Variants in PDE7B observed in about 807,000 individuals in gnomAD.
PDE7B encodes 3',5'-cyclic-AMP phosphodiesterase 7B.
In PDE7B, 29 loss-of-function variants were observed where a neutral mutation model predicts 56.2. That is an observed-to-expected ratio of 0.52 (90% confidence interval 0.38 to 0.70). PDE7B has a LOEUF of 0.70. Ranked by LOEUF, PDE7B falls within the 30% of genes least tolerant of loss-of-function variation. The pLI, the probability that PDE7B is intolerant of heterozygous loss-of-function variation, is 0.00. For synonymous variants in PDE7B, 197 were observed against 196.9 expected, an observed-to-expected ratio of 1.00 and a Z score of 0.00; for missense variants, 490 against 565.0, an observed-to-expected ratio of 0.87 and a Z score of 1.35.
At chr6:136,083,067 C>T (rs983390518) in intron 2 of PDE7B, among the ~76,000 whole-genome samples, 1 of 152,140 alleles carries the variant, frequency 6.6e-6, no homozygotes, top group African/African-American at 2.4e-5. Flanking sequence ...ATTTGGAAAT[C>T]CAGGACTGGA....
intron 2 of PDE7B, among the ~76,000 whole-genome samples, chr6:136,049,761 C>T (rs930941383): frequency 2.6e-5 from 4 of 152,140 alleles, no homozygotes; most frequent in Non-Finnish European, 5.9e-5. Flanking sequence ...CTTGGCACAG[C>T]ATTAGGAGTG....
At chr6:136,166,343 A>G (rs1463887968) in intron 8 of PDE7B, 1 of 152,248 alleles carries the variant, frequency 6.6e-6, no homozygotes, top group Non-Finnish European at 1.5e-5. Flanking sequence ...ATTGTCCCAA[A>G]CAGCCTTCCA....
chr6:136,016,781 TTCTAC>T, intron 2 of PDE7B, among the ~76,000 whole-genome samples: 1 of 152,190 alleles, frequency 6.6e-6, no homozygotes, highest in East Asian at 1.9e-4. Context: ...AAAATGGCTG[TTCTAC>T]TCATCTGCAC....
At chr6:135,973,348 T>C (rs1170100591) in intron 2 of PDE7B, among the ~76,000 whole-genome samples, 4 of 152,082 alleles carry the variant, frequency 2.6e-5, no homozygotes, top group South Asian at 2.1e-4. Flanking sequence ...TGTATGCGTC[T>C]ACCATATTTT....
chr6:136,185,738 C>T (rs1779135026), intron 11 of PDE7B, among the ~76,000 whole-genome samples: 1 of 152,076 alleles, frequency 6.6e-6, no homozygotes, highest in Non-Finnish European at 1.5e-5. Context: ...GCACTCTAGC[C>T]TGGGTGACAG....
At position 135,987,970 on chromosome 6, in the gene PDE7B, C is replaced by T. The variant is rs117643262; in HGVS notation, c.82+40446C>T. Among the ~76,000 whole-genome samples, 1,086 of 152,284 alleles carry T rather than the reference C, an allele frequency of 7.1e-3. 9 individuals carry two copies. The highest frequency in any genetic ancestry group is 0.012 in the Non-Finnish European group (835 of 68,012). On this transcript the variant is annotated intron_variant, in intron 2 of 12. Transcript: ENST00000308191. ...AGACAAAAATATTCAGTTCCTAATA[C>T]ATGCCTATCACATTTGTGAATTACA...
chr6:135,889,083 A>T (rs1378366098), intron 1 of PDE7B, among the ~76,000 whole-genome samples: 1 of 152,148 alleles, frequency 6.6e-6, no homozygotes, highest in Non-Finnish European at 1.5e-5. Context: ...CAGCAGGTTG[A>T]TCTTCCAGGG....
intron 1 of PDE7B, among the ~76,000 whole-genome samples, chr6:135,902,451 CA>C (rs1776020834): frequency 6.6e-6 from 1 of 151,740 alleles, no homozygotes; most frequent in Non-Finnish European, 1.5e-5. Flanking sequence ...GAAAATAAAG[CA>C]AAATCTCCTT....
At chr6:135,858,030 G>T (rs561586782) in intron 1 of PDE7B, among the ~76,000 whole-genome samples, 1 of 152,018 alleles carries the variant, frequency 6.6e-6, no homozygotes, top group Non-Finnish European at 1.5e-5. Flanking sequence ...TATTTATAAA[G>T]GGAAAAAGTT....
chr6:136,151,263 CT>C lies in PDE7B; in HGVS notation c.478+15del, dbSNP rs755063594. 128 of 1,399,376 alleles carry C rather than the reference CT, an allele frequency of 9.1e-5. No individual in the cohort carries two copies. The Admixed American group carries it at 1.7e-3, about 19-fold the overall frequency. The allele number at this position is 1,399,376 out of a possible 1,614,324, so 86.7% of individuals were successfully genotyped here. ...CCTTACACCGATTTTTAGGTAAGTCCTTTTTTTCACATTTCTAGCCCCATTC... is the reference window on the plus strand; with the variant it reads ...CCTTACACCGATTTTTAGGTAAGTCCTTTTTTCACATTTCTAGCCCCATTC... On this transcript the variant is annotated intron_variant, in intron 6 of 12. Transcript: ENST00000308191.
chr6:135,897,633 A>C (rs1775925829), intron 1 of PDE7B, among the ~76,000 whole-genome samples: 1 of 152,232 alleles, frequency 6.6e-6, no homozygotes, highest in African/African-American at 2.4e-5. Context: ...ATTAAGAATA[A>C]ATATTGAATG....
intron 1 of PDE7B, among the ~76,000 whole-genome samples, chr6:135,927,013 C>A (rs9494424): frequency 0.022 from 3,344 of 152,174 alleles, 127 homozygotes; most frequent in African/African-American, 0.074. Flanking sequence ...CTAATTGTTT[C>A]TTCAATAGCA....
chr6:135,910,776 C>T (rs950148420), intron 1 of PDE7B, among the ~76,000 whole-genome samples: 4 of 152,164 alleles, frequency 2.6e-5, no homozygotes, highest in Non-Finnish European at 5.9e-5. Flanking sequence ...CTACCTTCAC[C>T]ACCCCCTGCC....
intron 2 of PDE7B, among the ~76,000 whole-genome samples, chr6:136,009,106 T>G (rs1490408011): frequency 0.011 from 1,658 of 151,164 alleles, 32 homozygotes; most frequent in African/African-American, 0.038. Context: ...TTTCCCCAGT[T>G]CTTGTTTTTT....
intron 2 of PDE7B, among the ~76,000 whole-genome samples, chr6:136,002,408 A>G (rs1469210926): frequency 1.3e-5 from 2 of 152,216 alleles, no homozygotes; most frequent in East Asian, 3.8e-4. Context: ...AGACTGAGAA[A>G]TTGGATAAAG....
intron 11 of PDE7B, among the ~76,000 whole-genome samples, chr6:136,183,304 A>C (rs1779095952): frequency 6.6e-6 from 1 of 152,098 alleles, no homozygotes; most frequent in South Asian, 2.1e-4. Flanking sequence ...TTTTAAGAGA[A>C]GATTATAGGC....
intron 1 of PDE7B, among the ~76,000 whole-genome samples, chr6:135,853,412 A>G (rs2128183000): frequency 6.6e-6 from 1 of 152,336 alleles, no homozygotes; most frequent in African/African-American, 2.4e-5. Context: ...GTGGGAAAAC[A>G]AGGACTTTGT....
intron 3 of PDE7B, among the ~76,000 whole-genome samples, chr6:136,126,850 T>G (rs886427103): frequency 6.6e-6 from 1 of 152,186 alleles, no homozygotes; most frequent in African/African-American, 2.4e-5. Flanking sequence ...TTGAGTTCAA[T>G]GTATACTGCT....
chr6:135,999,318 T>C (rs1252469837), intron 2 of PDE7B, among the ~76,000 whole-genome samples: 3 of 152,212 alleles, frequency 2.0e-5, no homozygotes, highest in Non-Finnish European at 4.4e-5. Context: ...GTAACACAGA[T>C]AAACTTGTGT....
Sources: allele counts gnomAD v4.1 joint callset (sites outside exome capture counted in the v4.1 genomes callset), GRCh38; gene constraint gnomAD v4.1.1; transcripts MANE v1.5; gene names NCBI Gene and HGNC (gene_info 2026-07-23, HGNC 2026-07-21).